Variants in MAPK10 observed in about 807,000 individuals in gnomAD.
MAPK10 encodes JNK3 alpha protein kinase.
Under a neutral mutation model 59.3 loss-of-function variants are expected in MAPK10, and 25 were observed. That is an observed-to-expected ratio of 0.42 (90% confidence interval 0.31 to 0.59). The LOEUF is 0.59. Among genes scored for constraint, MAPK10 ranks in the 20% least tolerant of loss-of-function variants. The pLI, the probability that MAPK10 is intolerant of heterozygous loss-of-function variation, is 0.15. For missense variants in MAPK10, 351 were observed against 568.9 expected (o/e 0.62, Z 3.90); for synonymous variants, 190 against 200.5 (o/e 0.95, Z 0.44).
intron 1 of MAPK10, among the ~76,000 whole-genome samples, chr4:86,485,602 A>T (rs1753927898): frequency 1.3e-5 from 2 of 152,248 alleles, no homozygotes; most frequent in African/African-American, 4.8e-5. Flanking sequence ...GTTTCAAAAG[A>T]AGTTCCAAGA....
intron 11 of MAPK10, among the ~76,000 whole-genome samples, chr4:86,056,618 T>C (rs1488375746): frequency 2.0e-5 from 3 of 150,028 alleles, no homozygotes; most frequent in Non-Finnish European, 3.0e-5. Flanking sequence ...AATCAAATGA[T>C]ATTAGCTTTT....
At chr4:86,460,320 T>C (rs1257509048) in intron 1 of MAPK10, among the ~76,000 whole-genome samples, 1 of 152,148 alleles carries the variant, frequency 6.6e-6, no homozygotes, top group Non-Finnish European at 1.5e-5. Flanking sequence ...AAGAAGCCAA[T>C]GCCTTGGTTC....
chr4:86,578,757 G>T (rs1762065709), intron 1 of MAPK10, among the ~76,000 whole-genome samples: 1 of 151,712 alleles, frequency 6.6e-6, no homozygotes, highest in South Asian at 2.1e-4. Flanking sequence ...GAGGGAAAAA[G>T]TTTCATGGAG....
intron 9 of MAPK10, among the ~76,000 whole-genome samples, chr4:86,096,348 CTTTG>C (rs2054216211): frequency 6.6e-6 from 1 of 151,618 alleles, no homozygotes; most frequent in South Asian, 2.1e-4. Flanking sequence ...CAATATGGTG[CTTTG>C]TTTTTTTGTT....
At chr4:86,129,396 A>T (rs936270611) in intron 4 of MAPK10, among the ~76,000 whole-genome samples, 1 of 152,214 alleles carries the variant, frequency 6.6e-6, no homozygotes, top group Non-Finnish European at 1.5e-5. Flanking sequence ...GAAACGTAGT[A>T]AAACCAGATA....
At chr4:86,062,700 A>G (rs2045969107) in intron 11 of MAPK10, among the ~76,000 whole-genome samples, 1 of 152,148 alleles carries the variant, frequency 6.6e-6, no homozygotes, top group Non-Finnish European at 1.5e-5. Flanking sequence ...TAAAATGTTT[A>G]TCAACATAAC....
intron 1 of MAPK10, among the ~76,000 whole-genome samples, chr4:86,502,967 G>A (rs1189720799): frequency 6.6e-6 from 1 of 152,052 alleles, no homozygotes; most frequent in Non-Finnish European, 1.5e-5. Context: ...ATTCTAGGAA[G>A]AAGGGTGGGA....
chr4:86,438,286 A>C lies in MAPK10; in HGVS notation c.-122+14744T>G, dbSNP rs534221600. Among the ~76,000 whole-genome samples the C allele has an allele frequency of 3.3e-5, 5 of 152,350 alleles. No individual in the cohort carries two copies. The East Asian group carries it at 9.6e-4, about 29-fold the overall frequency. ...ATAAAAGAGATCATTGGGTAAAAGT[A>C]ATTAAAAATATGATCATGCATTTTA... is the stretch of plus-strand genomic sequence containing the variant. On this transcript the variant is annotated intron_variant, in intron 1 of 13. Transcript: ENST00000361569.
intron 4 of MAPK10, among the ~76,000 whole-genome samples, chr4:86,143,447 C>T (rs1441520677): frequency 6.6e-6 from 1 of 152,150 alleles, no homozygotes; most frequent in Non-Finnish European, 1.5e-5. Context: ...GTCAGGATTC[C>T]TGTGTTTCTG....
At chr4:86,489,324 G>C (rs1754276038) in intron 1 of MAPK10, among the ~76,000 whole-genome samples, 1 of 151,996 alleles carries the variant, frequency 6.6e-6, no homozygotes, top group Non-Finnish European at 1.5e-5. Context: ...CTCAAAGTAG[G>C]CGCTGCTCTC....
chr4:86,452,359 A>T (rs1438705872), intron 1 of MAPK10, among the ~76,000 whole-genome samples: 1 of 152,238 alleles, frequency 6.6e-6, no homozygotes, highest in Non-Finnish European at 1.5e-5. Context: ...TACACATAAT[A>T]TTCACTTTCA....
At position 86,358,315 on chromosome 4, in the gene MAPK10, A is replaced by G. The variant is rs185815853; in HGVS notation, c.-122+1343T>C. On this transcript the variant is annotated intron_variant, in intron 1 of 13. Coordinates refer to ENST00000641462, the MANE Select transcript of MAPK10 (RefSeq NM_138982.4). ...TGTTATCTTCCAGGGTCCGACAACT[A>G]GCCGATGAGGGATAGAAGGAGATAT... The G allele has an allele frequency of 2.2e-5, 22 of 985,438 alleles. No individual in the cohort carries two copies. The African/African-American group carries it at 3.5e-4, about 16-fold the overall frequency. 61.0% of individuals were successfully genotyped at this position (985,438 alleles called of 1,614,324 possible).
At chr4:86,591,579 G>T (rs1238006968) in intron 1 of MAPK10, among the ~76,000 whole-genome samples, 1 of 151,996 alleles carries the variant, frequency 6.6e-6, no homozygotes, top group African/African-American at 2.4e-5. Flanking sequence ...TCACCATGTT[G>T]CCCAGACTGG....
At chr4:86,037,567 C>CAT (rs1378540062) in intron 11 of MAPK10, among the ~76,000 whole-genome samples, 1 of 151,388 alleles carries the variant, frequency 6.6e-6, no homozygotes, top group African/African-American at 2.4e-5. Context: ...CATTTTATCC[C>CAT]ATATATATAA....
chr4:86,315,658 C>T (rs1462621030), intron 2 of MAPK10, among the ~76,000 whole-genome samples: 1 of 149,002 alleles, frequency 6.7e-6, no homozygotes, highest in Non-Finnish European at 1.5e-5. Context: ...AAATTAGCAT[C>T]AAGAATATAG....
intron 4 of MAPK10, among the ~76,000 whole-genome samples, chr4:86,110,269 C>T (rs2057269616): frequency 6.6e-6 from 1 of 152,112 alleles, no homozygotes; most frequent in African/African-American, 2.4e-5. Flanking sequence ...GTTGCAATTG[C>T]TTTTGCCATT....
intron 9 of MAPK10, among the ~76,000 whole-genome samples, chr4:86,073,787 A>G (rs1377063638): frequency 9.5e-6 from 1 of 105,590 alleles, no homozygotes; most frequent in Non-Finnish European, 2.0e-5. Flanking sequence ...GTTCTTTTAC[A>G]TTTGCTGAGG....
intron 9 of MAPK10, among the ~76,000 whole-genome samples, chr4:86,088,600 A>C (rs1054911772): frequency 6.6e-6 from 1 of 152,210 alleles, no homozygotes; most frequent in African/African-American, 2.4e-5. Flanking sequence ...ATGAGGTTTT[A>C]ATTATTGCAC....
intron 4 of MAPK10, 80 bp from the exon 5 acceptor site, chr4:86,107,432 T>C (rs2056746621): frequency 6.6e-7 from 1 of 1,526,050 alleles, no homozygotes; most frequent in Non-Finnish European, 8.8e-7. Context: ...AGGATACTGG[T>C]AAAGAAAATG....
Sources: gnomAD v4.1 joint callset for allele counts (sites outside exome capture counted in the v4.1 genomes callset) on GRCh38, gnomAD v4.1.1 for gene constraint, MANE v1.5 for transcripts, NCBI Gene and HGNC (gene_info 2026-07-23, HGNC 2026-07-21) for gene names.